Variants in ZNF576 observed in about 807,000 individuals in gnomAD.
ZNF576 encodes zinc finger protein 576.
ZNF576 carries 9 observed loss-of-function variants against 10.8 expected under a neutral mutation model. The observed-to-expected ratio is 0.84, with a 90% CI of 0.50 to 1.46. ZNF576 has a LOEUF of 1.46. Among genes scored for constraint, ZNF576 ranks in the 40% most tolerant of loss-of-function variants. The pLI, the probability that ZNF576 is intolerant of heterozygous loss-of-function variation, is 0.00. For missense variants in ZNF576, 191 were observed against 233.7 expected (o/e 0.82, Z 1.19); for synonymous variants, 88 against 89.6 (o/e 0.98, Z 0.10).
upstream of ZNF576, chr19:43,596,429 G>A (rs1415890380): frequency 6.6e-6 from 1 of 152,456 alleles, no homozygotes; most frequent in Non-Finnish European, 1.5e-5. Flanking sequence ...TACTACTGCC[G>A]GATGGCAAAT....
At position 43,599,247 on chromosome 19, in the gene ZNF576, G is replaced by C. The variant is rs1260827780; in HGVS notation, c.502G>C (p.Gly168Arg). 1 of 1,613,056 alleles carries C rather than the reference G, an allele frequency of 6.2e-7. No homozygotes were observed. Among genetic ancestry groups the C allele is most frequent in the Non-Finnish European group, 8.5e-7 (1 of 1,179,296 alleles). The change falls in exon 3 of 3, where the codon GGG becomes CGG. Residue 168 changes from glycine to arginine, a missense_variant. By Grantham distance (125) the Gly-to-Arg change is moderately radical. Coordinates refer to ENST00000336564, the MANE Select transcript of ZNF576 (RefSeq NM_001145347.2). ...TCAACACTACATTCGGCATGCCCGG[G>C]GGGAGCTCTGAGTGCAGCTTAAGCC... ...LHQHYIRHARGEL is the reference protein window; with the variant it reads ...LHQHYIRHARREL
chr19:43,597,222 G>A (rs747157573), intron 2 of ZNF576, 29 bp downstream of exon 2: 37 of 1,603,356 alleles, frequency 2.3e-5, no homozygotes, highest in Non-Finnish European at 2.8e-5. Flanking sequence ...CGGGCTAGAG[G>A]AGGGTGGGGT....
rs1301877281 is a variant in ZNF576, at chr19:43,598,817, C to T, written c.86-14C>T. On this transcript the variant is annotated splice_polypyrimidine_tract_variant and intron_variant, in intron 2 of 2. Coordinates refer to ENST00000336564, the MANE Select transcript of ZNF576 (RefSeq NM_001145347.2). ...CCTGCTGGCCTCCCCTGACCTCTCC[C>T]CCACATTCCTCAGGCCACCTGGGGG... The T allele has an allele frequency of 1.3e-6, 2 of 1,541,410 alleles. No individual in the cohort carries two copies. The highest frequency in any genetic ancestry group is 1.9e-5 in the Admixed American group (1 of 52,452).
At position 43,599,523 on chromosome 19, in the gene ZNF576, A is replaced by C; in HGVS notation, c.*265A>C. ...AAAATGGGAAGGGAGTGCGGGAGAG[A>C]AATGGTTTGTGTCTCCCTTATTCCC... On this transcript the variant is annotated 3_prime_UTR_variant, in exon 3 of 3. Transcript: ENST00000336564. The C allele has an allele frequency of 2.1e-6, 1 of 481,932 alleles. No homozygotes were observed. The allele number at this position is 481,932 out of a possible 1,614,324, so 29.9% of individuals were successfully genotyped here.
At position 43,599,487 on chromosome 19, in the gene ZNF576, GT is replaced by G. The variant is rs1343478379; in HGVS notation, c.*231del. ...AAATCAGATAATAATGAGATCTTTT[GT>G]TAAAAAAAAAAAATGGGAAGGGAGT... is the stretch of plus-strand genomic sequence containing the variant. On this transcript the variant is annotated 3_prime_UTR_variant, in exon 3 of 3. Coordinates refer to ENST00000336564, the MANE Select transcript of ZNF576 (RefSeq NM_001145347.2). The G allele has an allele frequency of 4.1e-6, 2 of 482,736 alleles. No individual in the cohort carries two copies. Among genetic ancestry groups the G allele is most frequent in the Non-Finnish European group, 3.6e-6 (1 of 276,392 alleles). The allele number at this position is 482,736 out of a possible 1,614,324, so 29.9% of individuals were successfully genotyped here.
chr19:43,597,364 G>A (rs1457431818), intron 2 of ZNF576, 171 bp downstream of exon 2: 9 of 606,830 alleles, frequency 1.5e-5, no homozygotes, highest in Non-Finnish European at 2.7e-5. Context: ...ACCAGCTTAT[G>A]TGGCCAGAGT....
Position 43,599,387 on chromosome 19 carries a change from TTAA to T in ZNF576, c.*133_*135del. 2.1e-6 allele frequency: 2 copies of T among 947,232 alleles called. No homozygotes were observed. The highest frequency in any genetic ancestry group is 3.5e-5 in the South Asian group (2 of 57,326). 58.7% of individuals were successfully genotyped at this position (947,232 alleles called of 1,614,324 possible). On this transcript the variant is annotated 3_prime_UTR_variant, in exon 3 of 3. Coordinates refer to ENST00000336564, the MANE Select transcript of ZNF576 (RefSeq NM_001145347.2). ...CCTCCCCTGGGAAGGCAGAGGGCTC[TTAA>T]TAAAGAGGACCCAGAAGATTCTTAT...
intron 2 of ZNF576, among the ~76,000 whole-genome samples, chr19:43,598,424 A>G (rs895071080): frequency 6.6e-6 from 1 of 152,152 alleles, no homozygotes; most frequent in African/African-American, 2.4e-5. Context: ...CAACGGTCCT[A>G]TGGAGTAGAT....
rs1790212034 is a variant in ZNF576, at chr19:43,599,853, C to T, written c.*595C>T. ...GCCATGGCACTAGATGGCACTAGTC[C>T]CCCGATAATTTATGTCTCGTTGAAA... On this transcript the variant is annotated 3_prime_UTR_variant, in exon 3 of 3. Coordinates refer to ENST00000336564, the MANE Select transcript of ZNF576 (RefSeq NM_001145347.2). 1 of 152,420 alleles carries T rather than the reference C, an allele frequency of 6.6e-6. No homozygotes were observed. The highest frequency in any genetic ancestry group is 2.4e-5 in the African/African-American group (1 of 41,414). The allele number at this position is 152,420 out of a possible 1,614,324, so 9.4% of individuals were successfully genotyped here. A position where few individuals can be genotyped will look rare whatever the true frequency, so the allele number is the denominator to read the frequency against.
chr19:43,597,493 G>A (rs17655574), intron 2 of ZNF576: 35,388 of 280,154 alleles, frequency 0.13, 2,626 homozygotes, highest in Admixed American at 0.18. Flanking sequence ...TATTGGGAGA[G>A]AAACCCCAAG....
chr19:43,597,982 T>C (rs1330451259), intron 2 of ZNF576, among the ~76,000 whole-genome samples: 2 of 152,128 alleles, frequency 1.3e-5, no homozygotes, highest in Non-Finnish European at 2.9e-5. Flanking sequence ...GTGGTGATTT[T>C]GGGGAAGGTT....
At chr19:43,596,393 T>C (rs551124641), upstream of ZNF576, 1 of 152,188 alleles carries the variant, frequency 6.6e-6, no homozygotes, top group Non-Finnish European at 1.5e-5. Context: ...CCTCCCGTTA[T>C]TTTGAGGACC....
At chr19:43,597,009 A>G in intron 1 of ZNF576, 85 bp from the exon 2 acceptor site, 1 of 1,085,500 alleles carries the variant, frequency 9.2e-7, no homozygotes, top group Non-Finnish European at 1.4e-6. Flanking sequence ...GCCTCTGGCG[A>G]TGTCAAAGGT....
chr19:43,598,963 G>A lies in ZNF576; in HGVS notation c.218G>A (p.Cys73Tyr). The change falls in exon 3 of 3, where the codon TGC (cysteine) becomes TAC (tyrosine). Residue 73 changes from cysteine to tyrosine, a missense_variant. Transcript: ENST00000336564. The part of the protein sequence containing the change: ...AQKLQGVLFI[C>Y]FTCARSFPSS... ...AAGCTGCAGGGGGTCCTCTTCATCT[G>A]CTTCACCTGCGCCCGCTCCTTCCCC... The A allele has an allele frequency of 6.2e-7, 1 of 1,614,108 alleles. No homozygotes were observed. The highest frequency in any genetic ancestry group is 8.5e-7 in the Non-Finnish European group (1 of 1,179,978).
At chr19:43,597,382 C>G (rs944881480) in intron 2 of ZNF576, 189 bp downstream of exon 2, 2 of 570,430 alleles carry the variant, frequency 3.5e-6, no homozygotes, top group Admixed American at 6.1e-5. Flanking sequence ...AGTACTCACC[C>G]TCCTCTGGCC....
At chr19:43,598,690 C>G in intron 2 of ZNF576, 141 bp from the exon 3 acceptor site, 1 of 713,962 alleles carries the variant, frequency 1.4e-6, no homozygotes, top group South Asian at 2.0e-5. Context: ...AAGAACAGTT[C>G]TCCTGTTTGG....
chr19:43,598,475 A>G (rs1274818898), intron 2 of ZNF576, among the ~76,000 whole-genome samples: 1 of 152,246 alleles, frequency 6.6e-6, no homozygotes, highest in East Asian at 1.9e-4. Flanking sequence ...AACTGGTGTA[A>G]TTGCCTAGGA....
rs1237237202 is a variant in ZNF576 at position 43,599,871 on chromosome 19, C to T, written c.*613C>T. 2.0e-5 allele frequency: 3 copies of T among 152,262 alleles called. No homozygotes were observed. The highest frequency in any genetic ancestry group is 4.8e-5 in the African/African-American group (2 of 41,416). 9.4% of individuals were successfully genotyped at this position (152,262 alleles called of 1,614,324 possible). On this transcript the variant is annotated 3_prime_UTR_variant, in exon 3 of 3. Coordinates refer to ENST00000336564, the MANE Select transcript of ZNF576 (RefSeq NM_001145347.2). ...ACTAGTCCCCCGATAATTTATGTCTCGTTGAAATAATTTTGTATATCATTC... is the reference window on the plus strand; with the variant it reads ...ACTAGTCCCCCGATAATTTATGTCTTGTTGAAATAATTTTGTATATCATTC...
In ZNF576 at chr19:43,599,031, G is replaced by A. The variant is rs138730124; in HGVS notation, c.286G>A (p.Ala96Thr). 1.2e-5 allele frequency: 19 copies of A among 1,614,046 alleles called. No individual in the cohort carries two copies. The Admixed American group carries it at 1.8e-4, about 16-fold the overall frequency. The change falls in exon 3 of 3, where the codon GCC (alanine) becomes ACC (threonine). Residue 96 changes from alanine (A) to threonine (T), a missense_variant. Coordinates refer to ENST00000336564, the MANE Select transcript of ZNF576 (RefSeq NM_001145347.2). ...CACCCACCAGCGCAGCCACGGTCCA[G>A]CCGCCAAGCCCACCCTGCCGGTTGC... is the stretch of plus-strand genomic sequence containing the variant. ...LITHQRSHGP[A>T]AKPTLPVATT...
Sources: gnomAD v4.1 joint callset for allele counts (sites outside exome capture counted in the v4.1 genomes callset) on GRCh38, gnomAD v4.1.1 for gene constraint, MANE v1.5 for transcripts, NCBI Gene and HGNC (gene_info 2026-07-23, HGNC 2026-07-21) for gene names.